The following SUMF1 variants were observed in gnomAD, a reference collection of about 807,000 sequenced individuals.
SUMF1 encodes sulfatase modifying factor 1.
Under a neutral mutation model 47.6 loss-of-function variants are expected in SUMF1, and 48 were observed. The ratio of observed to expected loss-of-function variants is 1.01; its 90% CI spans 0.80 to 1.28. The LOEUF (loss-of-function observed/expected upper bound fraction) is 1.28, where lower values mean the gene tolerates loss of function less well. Ranked by LOEUF, SUMF1 falls within the 50% of genes most tolerant of loss-of-function variation. The pLI is 0.00. For missense variants in SUMF1, 571 were observed against 485.4 expected (o/e 1.18, Z -1.66); for synonymous variants, 230 against 192.1 (o/e 1.20, Z -1.63).
At chr3:4,354,733 C>T (rs1699580952) in intron 8 of SUMF1, among the ~76,000 whole-genome samples, 1 of 152,124 alleles carries the variant, frequency 6.6e-6, no homozygotes, top group African/African-American at 2.4e-5. Flanking sequence ...GTGGCTGTAA[C>T]TCCATGGCTG....
chr3:4,404,252 A>G (rs1027257363), intron 7 of SUMF1, among the ~76,000 whole-genome samples: 1 of 152,196 alleles, frequency 6.6e-6, no homozygotes, highest in Non-Finnish European at 1.5e-5. Flanking sequence ...AGGGAGAAGG[A>G]GATAAAATTA....
intron 8 of SUMF1, among the ~76,000 whole-genome samples, chr3:4,301,366 T>C (rs916498982): frequency 6.6e-6 from 1 of 152,156 alleles, no homozygotes; most frequent in Non-Finnish European, 1.5e-5. Flanking sequence ...CAAAGGCTCA[T>C]AAGACAGAAT....
At chr3:4,242,702 G>A (rs909447145) in intron 8 of SUMF1, among the ~76,000 whole-genome samples, 6 of 152,202 alleles carry the variant, frequency 3.9e-5, no homozygotes, top group Admixed American at 6.5e-5. Context: ...CTTTTGCATC[G>A]ATGTTCATCA....
intron 8 of SUMF1, among the ~76,000 whole-genome samples, chr3:4,291,643 G>A (rs1697745534): frequency 6.6e-6 from 1 of 152,060 alleles, no homozygotes; most frequent in African/African-American, 2.4e-5. Flanking sequence ...CTGTTTGATT[G>A]GTCCTTGGCA....
chr3:4,412,522 G>A (rs971606642), intron 6 of SUMF1, among the ~76,000 whole-genome samples: 32 of 152,172 alleles, frequency 2.1e-4, no homozygotes, highest in African/African-American at 7.7e-4. Flanking sequence ...GGAGAGGTAG[G>A]AAGGAAAAGA....
At chr3:4,379,600 G>A (rs1223838735) in intron 7 of SUMF1, among the ~76,000 whole-genome samples, 1 of 152,094 alleles carries the variant, frequency 6.6e-6, no homozygotes, top group Non-Finnish European at 1.5e-5. Context: ...GCCAAGAGAT[G>A]GTCAAGAGAT....
At chr3:4,034,683 C>A (rs1694760429) in intron 9 of SUMF1, among the ~76,000 whole-genome samples, 1 of 151,932 alleles carries the variant, frequency 6.6e-6, no homozygotes, top group Admixed American at 6.6e-5. Context: ...GTGGCAGGCT[C>A]CATGAGAAGT....
At chr3:4,309,140 G>T (rs769115508) in intron 8 of SUMF1, among the ~76,000 whole-genome samples, 134 of 152,328 alleles carry the variant, frequency 8.8e-4, no homozygotes, top group Non-Finnish European at 1.5e-3. Flanking sequence ...ATAAAGGGTT[G>T]TGGAGACCAG....
At chr3:4,373,965 C>T (rs989153839) in intron 8 of SUMF1, among the ~76,000 whole-genome samples, 2 of 150,782 alleles carry the variant, frequency 1.3e-5, no homozygotes, top group African/African-American at 4.8e-5. Context: ...GCAGAAAAAG[C>T]TCCCAGCAAA....
chr3:4,451,885 G>A (rs561943138), intron 2 of SUMF1, among the ~76,000 whole-genome samples: 3 of 152,150 alleles, frequency 2.0e-5, no homozygotes, highest in East Asian at 1.9e-4. Context: ...GGGTTTCACC[G>A]TGTTAGCCAG....
intron 8 of SUMF1, among the ~76,000 whole-genome samples, chr3:4,201,453 T>A (rs927011211): frequency 6.6e-6 from 1 of 152,082 alleles, no homozygotes; most frequent in Non-Finnish European, 1.5e-5. Context: ...CTTCCACCCA[T>A]CTTGTTGTAA....
intron 8 of SUMF1, among the ~76,000 whole-genome samples, chr3:4,344,012 G>A (rs980821627): frequency 6.6e-6 from 1 of 152,180 alleles, no homozygotes; most frequent in Non-Finnish European, 1.5e-5. Context: ...TAAATGAATA[G>A]CCTTTATAGT....
At chr3:4,409,408 T>G (rs749838656) in intron 7 of SUMF1, among the ~76,000 whole-genome samples, 19 of 152,190 alleles carry the variant, frequency 1.2e-4, no homozygotes, top group Non-Finnish European at 2.5e-4. Context: ...AAGAAAAATG[T>G]GAATTTTTCT....
intron 8 of SUMF1, among the ~76,000 whole-genome samples, chr3:4,070,435 G>C (rs1332163626): frequency 1.3e-5 from 2 of 152,140 alleles, no homozygotes; most frequent in African/African-American, 2.4e-5. Context: ...CTTTGAACCA[G>C]AAATTGCTTC....
At chr3:4,187,649 A>T (rs1446035146) in intron 8 of SUMF1, among the ~76,000 whole-genome samples, 1 of 152,202 alleles carries the variant, frequency 6.6e-6, no homozygotes, top group African/African-American at 2.4e-5. Flanking sequence ...TGCAGCAAGT[A>T]TAAATAATCC....
intron 5 of SUMF1, 64 bp downstream of exon 5, chr3:4,417,946 T>C: frequency 6.2e-7 from 1 of 1,612,450 alleles, no homozygotes; most frequent in East Asian, 2.2e-5. Context: ...ATGGAGTTTT[T>C]TGTTGTTGTT....
chr3:4,325,551 GTGTC>G (rs1335119557), intron 8 of SUMF1, among the ~76,000 whole-genome samples: 4 of 145,558 alleles, frequency 2.7e-5, no homozygotes, highest in Admixed American at 6.9e-5. Flanking sequence ...ATATATGTGT[GTGTC>G]TGTGTGTGTA....
intron 8 of SUMF1, among the ~76,000 whole-genome samples, chr3:4,118,597 G>T (rs2125075907): frequency 6.6e-6 from 1 of 152,118 alleles, no homozygotes; most frequent in East Asian, 1.9e-4. Context: ...TATCCACTTT[G>T]TCACTTCTAA....
chr3:4,106,733 G>A (rs1031724735), intron 8 of SUMF1, among the ~76,000 whole-genome samples: 1 of 151,928 alleles, frequency 6.6e-6, no homozygotes, highest in East Asian at 1.9e-4. Flanking sequence ...TCCCAATGAG[G>A]GTTTGCTGGT....
Sources: gnomAD v4.1 joint callset for allele counts (sites outside exome capture counted in the v4.1 genomes callset) on GRCh38, gnomAD v4.1.1 for gene constraint, MANE v1.5 for transcripts, NCBI Gene and HGNC (gene_info 2026-07-23, HGNC 2026-07-21) for gene names.